Variants in CTNNA3 observed in about 807,000 individuals in gnomAD.
CTNNA3 encodes catenin alpha-3.
CTNNA3 carries 76 observed loss-of-function variants against 95.7 expected under a neutral mutation model. That is an observed-to-expected ratio of 0.79 (90% CI 0.66 to 0.96). The LOEUF (loss-of-function observed/expected upper bound fraction) is 0.96, where lower values mean the gene tolerates loss of function less well. Among genes scored for constraint, CTNNA3 ranks in the 40% least tolerant of loss-of-function variants. The pLI is 0.00. For missense variants in CTNNA3, 1,191 were observed against 1,089.8 expected (o/e 1.09, Z -1.31); for synonymous variants, 431 against 374.4 (o/e 1.15, Z -1.74).
chr10:67,231,217 G>C (rs1369250024), intron 5 of CTNNA3, among the ~76,000 whole-genome samples: 3 of 152,218 alleles, frequency 2.0e-5, no homozygotes, highest in Non-Finnish European at 2.9e-5. Context: ...CCACCTCTGG[G>C]GGCAGCGCAC....
chr10:66,937,262 A>G (rs1847757985), intron 7 of CTNNA3, among the ~76,000 whole-genome samples: 1 of 152,194 alleles, frequency 6.6e-6, no homozygotes, highest in Non-Finnish European at 1.5e-5. Flanking sequence ...CCTAATAAAA[A>G]TGTGTAAAAC....
At chr10:66,070,781 A>T (rs1310453690) in intron 14 of CTNNA3, among the ~76,000 whole-genome samples, 1 of 152,146 alleles carries the variant, frequency 6.6e-6, no homozygotes, top group Non-Finnish European at 1.5e-5. Flanking sequence ...TGCAGGGAAC[A>T]GAGTCAATTA....
chr10:66,272,326 C>T (rs569626976), intron 13 of CTNNA3, among the ~76,000 whole-genome samples: 16 of 151,994 alleles, frequency 1.1e-4, no homozygotes, highest in Non-Finnish European at 1.9e-4. Context: ...AGGAAATCTG[C>T]CTAACACTGA....
At chr10:67,146,757 C>T (rs1308499809) in intron 7 of CTNNA3, among the ~76,000 whole-genome samples, 1 of 152,150 alleles carries the variant, frequency 6.6e-6, no homozygotes, top group African/African-American at 2.4e-5. Context: ...ACATCATGTA[C>T]TATAATTTAT....
intron 9 of CTNNA3, among the ~76,000 whole-genome samples, chr10:66,636,106 A>G (rs1469151216): frequency 6.6e-6 from 1 of 151,806 alleles, no homozygotes; most frequent in African/African-American, 2.4e-5. Flanking sequence ...AAATATGTGC[A>G]TGTACTATTA....
intron 1 of CTNNA3, among the ~76,000 whole-genome samples, chr10:67,747,242 TC>T (rs58924457): frequency 0.1 from 15,437 of 152,086 alleles, 1,172 homozygotes; most frequent in African/African-American, 0.21. Flanking sequence ...CGAGTGGGTT[TC>T]CCCCCAGTGC....
chr10:66,116,087 T>A (rs1255348139), intron 13 of CTNNA3, among the ~76,000 whole-genome samples: 2 of 152,176 alleles, frequency 1.3e-5, no homozygotes, highest in African/African-American at 4.8e-5. Flanking sequence ...AAGGAAGAAT[T>A]ATGCTCTGTA....
rs543094167 is a variant in CTNNA3 at position 66,728,885 on chromosome 10, G to A, written c.1281+37379C>T. On this transcript the variant is annotated intron_variant, in intron 9 of 17. Transcript: ENST00000433211. ...TTACAGGCATGAGCCATGGCATCCA[G>A]CCTTATTTAAGTTTTTAATAGATCT... 3.3e-5 allele frequency among the ~76,000 whole-genome samples: 5 copies of A among 152,294 alleles called. No homozygotes were observed. In the South Asian group the frequency reaches 1.0e-3, roughly 32 times the overall value.
intron 10 of CTNNA3, among the ~76,000 whole-genome samples, chr10:66,600,235 T>C (rs1051523666): frequency 6.6e-6 from 1 of 151,862 alleles, no homozygotes; most frequent in Non-Finnish European, 1.5e-5. Flanking sequence ...TATTTAAAAA[T>C]TAGGTATATT....
At chr10:66,783,645 TG>T (rs869044863) in intron 7 of CTNNA3, among the ~76,000 whole-genome samples, 1 of 107,636 alleles carries the variant, frequency 9.3e-6, no homozygotes, top group East Asian at 4.2e-4. Context: ...TGAGCTCATA[TG>T]GCAACGACTT....
intron 5 of CTNNA3, among the ~76,000 whole-genome samples, chr10:67,378,846 A>G (rs755728885): frequency 6.6e-5 from 10 of 152,282 alleles, no homozygotes; most frequent in Non-Finnish European, 1.5e-4. Flanking sequence ...TTTAGTTGCT[A>G]TCATAATAAG....
At chr10:67,577,338 G>C (rs1589445454) in intron 3 of CTNNA3, among the ~76,000 whole-genome samples, 1 of 152,090 alleles carries the variant, frequency 6.6e-6, no homozygotes, top group African/African-American at 2.4e-5. Flanking sequence ...CTTTTGAGAA[G>C]TGTCTGTTCA....
At chr10:66,713,847 A>G (rs1236429214) in intron 9 of CTNNA3, among the ~76,000 whole-genome samples, 1 of 152,140 alleles carries the variant, frequency 6.6e-6, no homozygotes, top group African/African-American at 2.4e-5. Flanking sequence ...ATATGGAAGG[A>G]GACACCTTCA....
rs185685932 is a variant in CTNNA3, at chr10:67,026,886, T to C, written c.1047+153431A>G. On this transcript the variant is annotated intron_variant, in intron 7 of 17. Transcript: ENST00000433211. Reference sequence around the variant, plus strand: ...TTTTCCTCATATATCTCCTTAACTCTGAGAGGTTGTAATTTAAGATCACAT... The same window carrying C: ...TTTTCCTCATATATCTCCTTAACTCCGAGAGGTTGTAATTTAAGATCACAT... Among the ~76,000 whole-genome samples, 377 of 152,312 alleles carry C rather than the reference T, an allele frequency of 2.5e-3. 2 individuals carry two copies. Among genetic ancestry groups the C allele is most frequent in the Non-Finnish European group, 7.4e-4 (50 of 68,020 alleles).
intron 13 of CTNNA3, among the ~76,000 whole-genome samples, chr10:66,220,536 A>C (rs1247502328): frequency 2.0e-5 from 3 of 152,318 alleles, no homozygotes; most frequent in South Asian, 4.1e-4. Flanking sequence ...TTTGCTGTCT[A>C]CGGACGGCTT....
chr10:66,589,251 G>T (rs1843466283), intron 10 of CTNNA3, among the ~76,000 whole-genome samples: 1 of 151,686 alleles, frequency 6.6e-6, no homozygotes, highest in African/African-American at 2.4e-5. Flanking sequence ...GGAGAAGATG[G>T]GGATAAATAG....
chr10:67,101,513 A>C (rs1214366240), intron 7 of CTNNA3, among the ~76,000 whole-genome samples: 3 of 151,784 alleles, frequency 2.0e-5, no homozygotes, highest in Non-Finnish European at 4.4e-5. Flanking sequence ...CCTAAAACAT[A>C]TGCTAACTTG....
chr10:66,093,459 G>C (rs1229155809), intron 14 of CTNNA3, among the ~76,000 whole-genome samples: 1 of 151,982 alleles, frequency 6.6e-6, no homozygotes, highest in Admixed American at 6.6e-5. Context: ...GGCTCATCTA[G>C]AAGAACTTTT....
At chr10:66,067,556 C>T (rs1449471730) in intron 15 of CTNNA3, among the ~76,000 whole-genome samples, 1 of 152,088 alleles carries the variant, frequency 6.6e-6, no homozygotes, top group Non-Finnish European at 1.5e-5. Flanking sequence ...TATGTTTTTT[C>T]ACCTATTAAT....
Sources: allele counts gnomAD v4.1 joint callset (sites outside exome capture counted in the v4.1 genomes callset), GRCh38; gene constraint gnomAD v4.1.1; transcripts MANE v1.5; gene names NCBI Gene and HGNC (gene_info 2026-07-23, HGNC 2026-07-21).